Variants in CPEB4 observed in about 807,000 individuals in gnomAD.
The protein encoded by CPEB4 is cytoplasmic polyadenylation element-binding protein 4.
CPEB4 carries 12 observed loss-of-function variants against 72.5 expected under a neutral mutation model. The observed-to-expected ratio is 0.17, with a 90% confidence interval of 0.11 to 0.27. The LOEUF (loss-of-function observed/expected upper bound fraction) is 0.27, where lower values mean the gene tolerates loss of function less well. CPEB4 is among the 10% of genes least tolerant of loss of function. The pLI is 1.00. For missense variants in CPEB4, 614 were observed against 908.5 expected, an observed-to-expected ratio of 0.68 and a Z score of 4.17; for synonymous variants, 302 against 326.3, an observed-to-expected ratio of 0.93 and a Z score of 0.80.
At chr5:173,896,168 C>G (rs1042419609) in intron 1 of CPEB4, among the ~76,000 whole-genome samples, 1 of 152,142 alleles carries the variant, frequency 6.6e-6, no homozygotes, top group Non-Finnish European at 1.5e-5. Flanking sequence ...TTTTTCAGCG[C>G]TGTATTGTAC....
At chr5:173,910,481 A>G (rs1756613987) in intron 1 of CPEB4, 42 bp from the exon 2 acceptor site, 2 of 1,349,308 alleles carry the variant, frequency 1.5e-6, no homozygotes, top group East Asian at 2.3e-5. Flanking sequence ...TTATATTTAA[A>G]TGCTATTTTA....
rs146213887 is a variant in CPEB4, at chr5:173,953,194, G to T, written c.1884G>T (p.Ala628=). 3 of 1,613,684 alleles carry T rather than the reference G, an allele frequency of 1.9e-6. No homozygotes were observed. The highest frequency in any genetic ancestry group is 2.5e-6 in the Non-Finnish European group (3 of 1,179,824). Residue 628 remains alanine, a synonymous_variant, in exon 9 of 10, where the codon GCG becomes GCT. Transcript: ENST00000265085. Reference sequence around the variant, plus strand: ...ACCCAAAAGGAGCTGGGAGAGTTGCGTTCTCTAATCAACAGAGTTACATAG... The same window carrying T: ...ACCCAAAAGGAGCTGGGAGAGTTGCTTTCTCTAATCAACAGAGTTACATAG... ...LKYPKGAGRV[A]FSNQQSYIAA...
intron 1 of CPEB4, among the ~76,000 whole-genome samples, chr5:173,903,310 C>G (rs1452766901): frequency 1.3e-5 from 2 of 152,194 alleles, no homozygotes; most frequent in Non-Finnish European, 2.9e-5. Context: ...CAAAGCCCTT[C>G]TCTTCATAAG....
At chr5:173,928,816 T>C (rs1757339437) in intron 2 of CPEB4, among the ~76,000 whole-genome samples, 1 of 152,212 alleles carries the variant, frequency 6.6e-6, no homozygotes, top group Admixed American at 6.5e-5. Flanking sequence ...CATAATATGA[T>C]GGACAACTCT....
chr5:173,950,156 C>G lies in CPEB4; in HGVS notation c.1665+78C>G. The stretch of plus-strand genomic sequence containing the variant: ...TTATATTTGAAAAACCCATAGACAA[C>G]TTGATGTGTTTGGGGTACTTAATTG... On this transcript the variant is annotated intron_variant, in intron 7 of 9. Transcript: ENST00000265085. This position sits in a 1 kb window ranked among gnomAD's most constrained non-coding sequence, Gnocchi z 5.0. The G allele has an allele frequency of 2.4e-6, 2 of 830,588 alleles. No individual in the cohort carries two copies. Among genetic ancestry groups the G allele is most frequent in the Non-Finnish European group, 2.0e-6 (1 of 511,904 alleles). 51.5% of individuals were successfully genotyped at this position (830,588 alleles called of 1,614,324 possible). A position where few individuals can be genotyped will look rare whatever the true frequency, so the allele number is the denominator to read the frequency against.
intron 2 of CPEB4, among the ~76,000 whole-genome samples, chr5:173,916,538 A>G (rs1756876076): frequency 6.6e-6 from 1 of 152,232 alleles, no homozygotes; most frequent in African/African-American, 2.4e-5. Flanking sequence ...CAAAAATGCT[A>G]TGTATTTAAT....
At chr5:173,922,971 C>G (rs1757124519) in intron 2 of CPEB4, among the ~76,000 whole-genome samples, 1 of 152,134 alleles carries the variant, frequency 6.6e-6, no homozygotes, top group African/African-American at 2.4e-5. Context: ...TTTGAATATC[C>G]TGTTTATTAT....
At chr5:173,947,263 T>C (rs1054116547) in intron 5 of CPEB4, among the ~76,000 whole-genome samples, 3 of 152,194 alleles carry the variant, frequency 2.0e-5, no homozygotes, top group African/African-American at 7.2e-5. Flanking sequence ...CAAAATGTGG[T>C]CAGGTCTTCC....
At chr5:173,899,664 C>A (rs1226806125) in intron 1 of CPEB4, among the ~76,000 whole-genome samples, 4 of 152,180 alleles carry the variant, frequency 2.6e-5, no homozygotes, top group Non-Finnish European at 4.4e-5. Flanking sequence ...TGGGCAAGAC[C>A]TCTGAAAGGA....
chr5:173,953,344 G>A (rs12153678), intron 9 of CPEB4, 72 bp downstream of exon 9: 28,870 of 1,146,332 alleles, frequency 0.025, 470 homozygotes, highest in Non-Finnish European at 0.03. Flanking sequence ...ATATTAGAAC[G>A]GGAGCATTTT....
chr5:173,954,263 T>TA (rs1478756121), intron 9 of CPEB4, among the ~76,000 whole-genome samples: 9 of 152,296 alleles, frequency 5.9e-5, no homozygotes, highest in African/African-American at 1.9e-4. Flanking sequence ...TCACTGGCAG[T>TA]AAAAAAATTT....
At chr5:173,922,968 A>T (rs779077891) in intron 2 of CPEB4, among the ~76,000 whole-genome samples, 1 of 152,240 alleles carries the variant, frequency 6.6e-6, no homozygotes, top group African/African-American at 2.4e-5. Flanking sequence ...ATCTTTGAAT[A>T]TCCTGTTTAT....
intron 2 of CPEB4, among the ~76,000 whole-genome samples, chr5:173,921,770 A>T (rs1181790435): frequency 6.6e-6 from 1 of 152,196 alleles, no homozygotes; most frequent in Non-Finnish European, 1.5e-5. Flanking sequence ...ATTTGAACAT[A>T]TTCAATGTGC....
intron 3 of CPEB4, among the ~76,000 whole-genome samples, chr5:173,938,820 A>G (rs1466109367): frequency 2.6e-5 from 4 of 152,264 alleles, no homozygotes; most frequent in African/African-American, 9.6e-5. Context: ...TTCATTTTTA[A>G]TATTAGTACC....
intron 8 of CPEB4, among the ~76,000 whole-genome samples, chr5:173,952,262 T>C (rs908866760): frequency 1.3e-5 from 2 of 152,226 alleles, no homozygotes; most frequent in Non-Finnish European, 2.9e-5. Flanking sequence ...AGTCTAGTGT[T>C]GCATAATGCT....
At chr5:173,913,132 T>C (rs2113183191) in intron 2 of CPEB4, among the ~76,000 whole-genome samples, 1 of 151,894 alleles carries the variant, frequency 6.6e-6, no homozygotes, top group African/African-American at 2.4e-5. Context: ...ACTTGTTATG[T>C]GACATTTTAA....
At chr5:173,894,112 G>C (rs1186594719) in intron 1 of CPEB4, among the ~76,000 whole-genome samples, 1 of 152,084 alleles carries the variant, frequency 6.6e-6, no homozygotes, top group Non-Finnish European at 1.5e-5. Context: ...TCCTGCCTCA[G>C]CTTCCCCAGT....
chr5:173,914,214 A>T (rs1478763634), intron 2 of CPEB4, among the ~76,000 whole-genome samples: 1 of 152,240 alleles, frequency 6.6e-6, no homozygotes, highest in African/African-American at 2.4e-5. Context: ...TGCTCAGGGT[A>T]ACATTTTATT....
chr5:173,912,590 A>G (rs1756700278), intron 2 of CPEB4, among the ~76,000 whole-genome samples: 1 of 151,580 alleles, frequency 6.6e-6, no homozygotes, highest in Non-Finnish European at 1.5e-5. Flanking sequence ...TTTGAAAAAG[A>G]AAAAAACACA....
Sources: allele counts gnomAD v4.1 joint callset (sites outside exome capture counted in the v4.1 genomes callset), GRCh38; gene constraint gnomAD v4.1.1; non-coding constraint Gnocchi (gnomAD v3.1); transcripts MANE v1.5; gene names NCBI Gene and HGNC (gene_info 2026-07-23, HGNC 2026-07-21).